SLX4IP: variants seen among roughly 807,000 people sequenced by gnomAD.
The protein encoded by SLX4IP is protein SLX4IP.
Under a neutral mutation model 32.9 loss-of-function variants are expected in SLX4IP, and 34 were observed. The observed-to-expected ratio is 1.03, with a 90% CI of 0.79 to 1.38. SLX4IP has a LOEUF of 1.38. Ranked by LOEUF, SLX4IP falls within the 40% of genes most tolerant of loss-of-function variation. The pLI is 0.00. For synonymous variants in SLX4IP, 172 were observed against 171.7 expected (o/e 1.00, Z -0.01); for missense variants, 444 against 479.0 (o/e 0.93, Z 0.68).
chr20:10,613,243 A>G (rs1174069441), intron 6 of SLX4IP: 1 of 596,620 alleles, frequency 1.7e-6, no homozygotes. Flanking sequence ...GACCTCACAC[A>G]ATGTCAAGTG....
chr20:10,522,197 T>C (rs557979706), intron 2 of SLX4IP, among the ~76,000 whole-genome samples: 1 of 152,336 alleles, frequency 6.6e-6, no homozygotes, highest in East Asian at 1.9e-4. Flanking sequence ...CTGCTCTCAA[T>C]AGAAAATGCA....
intron 4 of SLX4IP, among the ~76,000 whole-genome samples, chr20:10,595,132 T>C (rs1171859161): frequency 6.6e-6 from 1 of 152,120 alleles, no homozygotes; most frequent in Admixed American, 6.6e-5. Context: ...ATCTTGCTGA[T>C]ACTAGATGAT....
intron 4 of SLX4IP, among the ~76,000 whole-genome samples, chr20:10,570,588 G>T (rs962612682): frequency 1.1e-4 from 17 of 151,882 alleles, no homozygotes; most frequent in Admixed American, 4.6e-4. Context: ...GAGTGCAGTG[G>T]TACGATCTCA....
At chr20:10,472,526 G>A (rs1457421805) in intron 2 of SLX4IP, among the ~76,000 whole-genome samples, 3 of 152,178 alleles carry the variant, frequency 2.0e-5, no homozygotes, top group South Asian at 2.1e-4. Flanking sequence ...CACCATGCCC[G>A]GCCTGGTAAT....
chr20:10,447,360 G>A (rs993126205), intron 1 of SLX4IP, among the ~76,000 whole-genome samples: 1 of 152,046 alleles, frequency 6.6e-6, no homozygotes, highest in Non-Finnish European at 1.5e-5. Flanking sequence ...TTCTAGAAGT[G>A]TCTTGATCTT....
chr20:10,558,441 A>G (rs146032526), intron 3 of SLX4IP, among the ~76,000 whole-genome samples: 403 of 151,852 alleles, frequency 2.7e-3, no homozygotes, highest in Non-Finnish European at 4.7e-3. Flanking sequence ...AAGAAAGGCT[A>G]TGACTTTAGC....
rs764415925 is a variant in SLX4IP at position 10,556,305 on chromosome 20, T to C, written c.102T>C (p.Ser34=). 1.7e-5 allele frequency: 28 copies of C among 1,613,442 alleles called. No homozygotes were observed. Among genetic ancestry groups the C allele is most frequent in the Non-Finnish European group, 2.3e-5 (27 of 1,179,804 alleles). ...CAAACAAAGATACAAGCTGGTTTTC[T>C]GAACAGAAGAAAGAGGTACAACAAA... ...QGSNKDTSWF[S]EQKKEEVCLL... The change falls in exon 3 of 8, where the codon TCT becomes TCC. Residue 34 remains serine, a synonymous_variant. Transcript: ENST00000334534.
In SLX4IP at chr20:10,560,716, TAAAAG is replaced by T. The variant is rs768363561; in HGVS notation, c.138_142del (p.Lys46AsnfsTer3). On this transcript the variant is annotated frameshift_variant, in exon 4 of 8. Coordinates refer to ENST00000334534, the MANE Select transcript of SLX4IP (RefSeq NM_001009608.3). LOFTEE classifies it high-confidence loss of function. ...TTGCTTTAGGAAGTCTGTTTACTGTTAAAAGAAACCATTGATTCAAGAGTTCAGGA... is the reference window on the plus strand; with the variant it reads ...TTGCTTTAGGAAGTCTGTTTACTGTTAAACCATTGATTCAAGAGTTCAGGA... 1.8e-4 allele frequency: 288 copies of T among 1,589,832 alleles called. 2 individuals carry two copies. The highest frequency in any genetic ancestry group is 3.2e-5 in the Non-Finnish European group (37 of 1,168,668).
intron 4 of SLX4IP, 24 bp from the exon 5 acceptor site, chr20:10,598,651 G>A (rs376505492): frequency 4.6e-5 from 74 of 1,609,532 alleles, no homozygotes; most frequent in Non-Finnish European, 6.0e-5. Flanking sequence ...ACTTAACTTA[G>A]TGATGTTCCC....
At chr20:10,597,751 A>C (rs147632306) in intron 4 of SLX4IP, among the ~76,000 whole-genome samples, 4 of 152,340 alleles carry the variant, frequency 2.6e-5, no homozygotes, top group Non-Finnish European at 5.9e-5. Context: ...GCCTAAGTTC[A>C]GCTTTAGATA....
intron 6 of SLX4IP, among the ~76,000 whole-genome samples, chr20:10,609,304 G>A (rs2066940007): frequency 6.6e-6 from 1 of 152,236 alleles, no homozygotes; most frequent in Non-Finnish European, 1.5e-5. Flanking sequence ...TTAGTTAGCA[G>A]ATGATTTAGA....
intron 2 of SLX4IP, among the ~76,000 whole-genome samples, chr20:10,487,428 T>C (rs1388678018): frequency 6.6e-6 from 1 of 152,182 alleles, no homozygotes; most frequent in Non-Finnish European, 1.5e-5. Flanking sequence ...TAATGGAAAA[T>C]AGTGAGACAA....
At chr20:10,453,955 A>G (rs1040333984) in intron 1 of SLX4IP, among the ~76,000 whole-genome samples, 1 of 152,198 alleles carries the variant, frequency 6.6e-6, no homozygotes, top group Non-Finnish European at 1.5e-5. Flanking sequence ...TTTAAAATTC[A>G]ACTATCATTG....
intron 4 of SLX4IP, among the ~76,000 whole-genome samples, chr20:10,563,866 C>T (rs2066358846): frequency 6.6e-6 from 1 of 152,136 alleles, no homozygotes; most frequent in Non-Finnish European, 1.5e-5. Flanking sequence ...TTCTTTTGCT[C>T]ACAGTTGCTT....
chr20:10,613,614 A>C (rs1318248146), intron 6 of SLX4IP: 1 of 1,613,490 alleles, frequency 6.2e-7, no homozygotes, highest in African/African-American at 1.3e-5. Flanking sequence ...CTTTCTGCTC[A>C]TTTCTGCTTC....
At chr20:10,539,855 T>A (rs1357076280) in intron 2 of SLX4IP, among the ~76,000 whole-genome samples, 1 of 152,096 alleles carries the variant, frequency 6.6e-6, no homozygotes, top group Non-Finnish European at 1.5e-5. Context: ...TGGACATAGT[T>A]ATTATTTTAA....
At position 10,579,678 on chromosome 20, in the gene SLX4IP, G is replaced by A. The variant is rs985727034; in HGVS notation, c.238+18858G>A. Among the ~76,000 whole-genome samples, 19 of 152,176 alleles carry A rather than the reference G, an allele frequency of 1.2e-4. 1 individual carries two copies. Among genetic ancestry groups the A allele is most frequent in the African/African-American group, 4.3e-4 (18 of 41,520 alleles). On this transcript the variant is annotated intron_variant, in intron 4 of 7. Coordinates refer to ENST00000334534, the MANE Select transcript of SLX4IP (RefSeq NM_001009608.3). The stretch of plus-strand genomic sequence containing the variant: ...TGACCTCATGTGATCCACCCGCCTT[G>A]ACCTCCCAAAGTGTTGGGATTACAG...
rs565283498 is a variant in SLX4IP at position 10,544,334 on chromosome 20, A to G, written c.28-11897A>G. On this transcript the variant is annotated intron_variant, in intron 2 of 7. Transcript: ENST00000334534. ...GAATTTTGAAGATGCTCAGCAAGGCACTGTTTTATCTGTAGCTCTCACCCT... is the reference window on the plus strand; with the variant it reads ...GAATTTTGAAGATGCTCAGCAAGGCGCTGTTTTATCTGTAGCTCTCACCCT... Among the ~76,000 whole-genome samples the G allele has an allele frequency of 6.6e-5, 10 of 152,184 alleles. No homozygotes were observed. The East Asian group carries it at 1.9e-3, about 29-fold the overall frequency.
chr20:10,475,827 C>T (rs2065471439), intron 2 of SLX4IP, among the ~76,000 whole-genome samples: 1 of 152,202 alleles, frequency 6.6e-6, no homozygotes, highest in African/African-American at 2.4e-5. Flanking sequence ...AGCATGACAG[C>T]TGTCAGAAAG....
Sources: gnomAD v4.1 joint callset for allele counts (sites outside exome capture counted in the v4.1 genomes callset) on GRCh38, gnomAD v4.1.1 for gene constraint, MANE v1.5 for transcripts, NCBI Gene and HGNC (gene_info 2026-07-23, HGNC 2026-07-21) for gene names.